NARS2: variants seen among roughly 807,000 people sequenced by gnomAD.
NARS2 encodes the protein asparaginyl-tRNA synthetase.
Under a neutral mutation model 62.9 loss-of-function variants are expected in NARS2, and 60 were observed. The ratio of observed to expected loss-of-function variants is 0.95; its 90% confidence interval spans 0.77 to 1.18. NARS2 has a LOEUF of 1.18. Among genes scored for constraint, NARS2 ranks in the 50% most tolerant of loss-of-function variants. NARS2 has a pLI of 0.00. For missense variants in NARS2, 619 were observed against 576.4 expected (o/e 1.07, Z -0.76); for synonymous variants, 196 against 200.0 (o/e 0.98, Z 0.17).
At chr11:78,491,304 C>G (rs1358859177) in intron 7 of NARS2, among the ~76,000 whole-genome samples, 1 of 152,156 alleles carries the variant, frequency 6.6e-6, no homozygotes, top group Non-Finnish European at 1.5e-5. Flanking sequence ...ATAGGGATAA[C>G]CAAAAATGTC....
At chr11:78,494,395 C>T (rs1341455254) in intron 6 of NARS2, among the ~76,000 whole-genome samples, 1 of 151,278 alleles carries the variant, frequency 6.6e-6, no homozygotes, top group Non-Finnish European at 1.5e-5. Context: ...GTCATTTAGC[C>T]AAATAATATT....
intron 6 of NARS2, among the ~76,000 whole-genome samples, chr11:78,513,490 C>T (rs1037695294): frequency 6.6e-6 from 1 of 151,924 alleles, no homozygotes; most frequent in African/African-American, 2.4e-5. Context: ...TAAGTAAGAA[C>T]ACGTGGGCCG....
At chr11:78,478,861 TG>T (rs1251281604) in intron 7 of NARS2, among the ~76,000 whole-genome samples, 178 bp from the exon 8 acceptor site, 2 of 152,136 alleles carry the variant, frequency 1.3e-5, no homozygotes, top group African/African-American at 4.8e-5. Context: ...ATTTCCTTGG[TG>T]GGTGGCAGGG....
At chr11:78,469,701 C>T (rs1858783369) in intron 9 of NARS2, among the ~76,000 whole-genome samples, 1 of 152,112 alleles carries the variant, frequency 6.6e-6, no homozygotes, top group Admixed American at 6.5e-5. Flanking sequence ...CAATTCTAGG[C>T]ACTGGAGATA....
At chr11:78,570,446 G>C (rs938491177) in intron 2 of NARS2, among the ~76,000 whole-genome samples, 1 of 152,178 alleles carries the variant, frequency 6.6e-6, no homozygotes, top group Non-Finnish European at 1.5e-5. Context: ...GGACTGCAGT[G>C]GCAAGATCTT....
intron 7 of NARS2, among the ~76,000 whole-genome samples, chr11:78,490,368 G>A (rs1255885356): frequency 6.6e-5 from 10 of 152,186 alleles, no homozygotes; most frequent in African/African-American, 2.4e-4. Flanking sequence ...CACCAGCAAA[G>A]GTAGTACAAG....
Position 78,438,233 on chromosome 11 carries a change from T to C in NARS2, c.1290-1419A>G, listed in dbSNP as rs79653242. Among the ~76,000 whole-genome samples, 184 of 152,234 alleles carry C rather than the reference T, an allele frequency of 1.2e-3. 1 individual carries two copies. Among genetic ancestry groups the C allele is most frequent in the East Asian group, 6.9e-3 (36 of 5,190 alleles). On this transcript the variant is annotated intron_variant, in intron 13 of 13. Coordinates refer to ENST00000281038, the MANE Select transcript of NARS2 (RefSeq NM_024678.6). ...AAAAGATTAACTCCAAACAGATGAGTTGTAATCAGGTAAGAGACCAACATT... is the reference window on the plus strand; with the variant it reads ...AAAAGATTAACTCCAAACAGATGAGCTGTAATCAGGTAAGAGACCAACATT...
chr11:78,449,133 G>GTTT (rs201937471), intron 11 of NARS2, among the ~76,000 whole-genome samples: 38 of 100,030 alleles, frequency 3.8e-4, no homozygotes, highest in African/African-American at 5.5e-4. Flanking sequence ...CCTAAAAAAT[G>GTTT]TTTTTTTTTT....
At chr11:78,573,500 C>A (rs4367973) in intron 1 of NARS2, 107,369 of 152,110 alleles carry the variant, frequency 0.71, 38,598 homozygotes, top group Non-Finnish European at 0.79. Context: ...CACATCACTG[C>A]GCTCCAGTCT....
intron 5 of NARS2, among the ~76,000 whole-genome samples, chr11:78,544,511 C>A (rs79875091): frequency 1.3e-5 from 2 of 152,038 alleles, no homozygotes; most frequent in Non-Finnish European, 2.9e-5. Flanking sequence ...AATGAGTTAC[C>A]GGCTGAGCGC....
chr11:78,562,281 C>A (rs535133434), intron 4 of NARS2, among the ~76,000 whole-genome samples: 2 of 151,736 alleles, frequency 1.3e-5, no homozygotes, highest in African/African-American at 2.4e-5. Flanking sequence ...TTAAAAAAAA[C>A]GAGCCAGGCA....
chr11:78,497,241 GA>G (rs35740309), intron 6 of NARS2, among the ~76,000 whole-genome samples: 1,223 of 107,258 alleles, frequency 0.011, 21 homozygotes, highest in African/African-American at 0.037. Context: ...AAGCAAAATT[GA>G]AAAAAAAAAA....
chr11:78,544,590 C>G (rs113782062), intron 5 of NARS2, among the ~76,000 whole-genome samples: 3,611 of 152,044 alleles, frequency 0.024, 133 homozygotes, highest in African/African-American at 0.082. Context: ...GTCAGGAGAT[C>G]GAGACCATCC....
chr11:78,444,305 T>C (rs1857676606), intron 11 of NARS2, among the ~76,000 whole-genome samples: 2 of 152,310 alleles, frequency 1.3e-5, no homozygotes, highest in South Asian at 2.1e-4. Context: ...TTTCTTATAA[T>C]GTGGCAATGA....
chr11:78,447,949 T>C (rs749830522), intron 11 of NARS2, among the ~76,000 whole-genome samples: 4 of 152,072 alleles, frequency 2.6e-5, no homozygotes, highest in African/African-American at 9.7e-5. Context: ...AGGTGCAAAA[T>C]TTCAGGCAGA....
intron 13 of NARS2, 86 bp downstream of exon 13, chr11:78,441,005 G>A: frequency 6.8e-6 from 8 of 1,177,718 alleles, no homozygotes; most frequent in Non-Finnish European, 6.2e-6. Context: ...CTCTTTCATG[G>A]GGTCTTGGGG....
At chr11:78,504,131 T>C (rs925488200) in intron 6 of NARS2, among the ~76,000 whole-genome samples, 2 of 152,256 alleles carry the variant, frequency 1.3e-5, no homozygotes, top group African/African-American at 2.4e-5. Context: ...CCTAAAATAC[T>C]ATCTGCCTAA....
At chr11:78,532,727 T>A (rs1487336849) in intron 5 of NARS2, among the ~76,000 whole-genome samples, 7 of 152,180 alleles carry the variant, frequency 4.6e-5, no homozygotes, top group Admixed American at 4.6e-4. Context: ...TAGATTAACA[T>A]CCTTCCTTTT....
intron 12 of NARS2, among the ~76,000 whole-genome samples, chr11:78,441,876 G>A (rs1591119021): frequency 6.6e-6 from 1 of 152,126 alleles, no homozygotes; most frequent in Non-Finnish European, 1.5e-5. Context: ...ATTCTTGTTT[G>A]AGAACTATTA....
Sources: gnomAD v4.1 joint callset for allele counts (sites outside exome capture counted in the v4.1 genomes callset) on GRCh38, gnomAD v4.1.1 for gene constraint, MANE v1.5 for transcripts, NCBI Gene and HGNC (gene_info 2026-07-23, HGNC 2026-07-21) for gene names.